SPPL2B: variants seen among roughly 807,000 people sequenced by gnomAD.
SPPL2B encodes the protein signal peptide peptidase like 2B.
SPPL2B carries 39 observed loss-of-function variants against 59.7 expected under a neutral mutation model. The observed-to-expected ratio is 0.65, with a 90% CI of 0.51 to 0.85. The LOEUF is 0.85. SPPL2B is among the 40% of genes least tolerant of loss of function. The pLI, the probability that SPPL2B is intolerant of heterozygous loss-of-function variation, is 0.00. For missense variants in SPPL2B, 865 were observed against 849.0 expected, an observed-to-expected ratio of 1.02 and a Z score of -0.23; for synonymous variants, 419 against 370.8, an observed-to-expected ratio of 1.13 and a Z score of -1.49.
chr19:2,345,101 G>A (rs143367040), intron 12 of SPPL2B, among the ~76,000 whole-genome samples, 152 bp from the exon 13 acceptor site: 3,110 of 152,172 alleles, frequency 0.02, 47 homozygotes, highest in Non-Finnish European at 0.026. Flanking sequence ...TGTCCCGAGC[G>A]AGCGTGTGGC....
intron 5 of SPPL2B, 154 bp from the exon 6 acceptor site, chr19:2,339,670 G>C (rs1024002999): frequency 4.9e-6 from 4 of 814,740 alleles, no homozygotes; most frequent in Non-Finnish European, 7.8e-6. Flanking sequence ...CTCTGCCCTG[G>C]GGACGTTCGG....
At chr19:2,348,262 G>A (rs866537681) in intron 13 of SPPL2B, among the ~76,000 whole-genome samples, 1 of 84,026 alleles carries the variant, frequency 1.2e-5, no homozygotes, top group Non-Finnish European at 2.3e-5. Context: ...ACACACTCAC[G>A]CACTCTTATT....
At chr19:2,341,375 C>T (rs924030966) in intron 8 of SPPL2B, 7 of 487,708 alleles carry the variant, frequency 1.4e-5, no homozygotes, top group Admixed American at 9.2e-5. Context: ...GCCGCAGGTT[C>T]GAGGCCCAGG....
At chr19:2,345,732 T>C in intron 13 of SPPL2B, among the ~76,000 whole-genome samples, 1 of 151,562 alleles carries the variant, frequency 6.6e-6, no homozygotes, top group African/African-American at 2.4e-5. Flanking sequence ...CCCGTCTTTC[T>C]CATTCTCCCT....
rs1257190649 is a variant in SPPL2B, at chr19:2,351,358, G to A, written c.1355-76G>A. On this transcript the variant is annotated intron_variant, in intron 13 of 14. Transcript: ENST00000613503. ...CCCTGCCCTCCACCAACCCCAGCCCGCTCACGTTCTTCCCAGGGAAATGGG... is the reference window on the plus strand; with the variant it reads ...CCCTGCCCTCCACCAACCCCAGCCCACTCACGTTCTTCCCAGGGAAATGGG... 9 of 1,261,602 alleles carry A rather than the reference G, an allele frequency of 7.1e-6. No individual in the cohort carries two copies. In the Admixed American group the frequency reaches 7.7e-5, roughly 11 times the overall value. 78.2% of individuals were successfully genotyped at this position (1,261,602 alleles called of 1,614,324 possible).
chr19:2,335,060 C>A (rs1189163228), intron 2 of SPPL2B, among the ~76,000 whole-genome samples: 1 of 152,018 alleles, frequency 6.6e-6, no homozygotes, highest in Non-Finnish European at 1.5e-5. Context: ...CAGTGGGGCC[C>A]CAGGGACGAG....
rs917655596 is a variant in SPPL2B at position 2,332,501 on chromosome 19, G to T, written c.67-2101G>T. 3.9e-5 allele frequency among the ~76,000 whole-genome samples: 6 copies of T among 152,218 alleles called. No individual in the cohort carries two copies. Among genetic ancestry groups the T allele is most frequent in the Non-Finnish European group, 7.3e-5 (5 of 68,030 alleles). On this transcript the variant is annotated intron_variant, in intron 1 of 14. Transcript: ENST00000613503. The surrounding 1 kb of genome is among the most constrained non-coding windows in gnomAD (Gnocchi z 4.6). ...CCGTTTGGTGCGCAGCTCAGCATCCGTTCAGACATGTGGCTGCCATCCTGT... is the reference window on the plus strand; with the variant it reads ...CCGTTTGGTGCGCAGCTCAGCATCCTTTCAGACATGTGGCTGCCATCCTGT...
intron 13 of SPPL2B, among the ~76,000 whole-genome samples, chr19:2,345,822 T>C (rs55690659): frequency 0.14 from 12,514 of 89,436 alleles, 1,522 homozygotes; most frequent in African/African-American, 0.37. Flanking sequence ...TCTCCCTGGG[T>C]CCGTGCCTCC....
intron 3 of SPPL2B, 92 bp downstream of exon 3, chr19:2,337,717 C>T (rs112810134): frequency 4.9e-5 from 62 of 1,258,132 alleles, no homozygotes; most frequent in African/African-American, 2.3e-4. Flanking sequence ...GCTGGTCTTC[C>T]GACTTCTCGC....
intron 10 of SPPL2B, 31 bp downstream of exon 10, chr19:2,344,070 A>G (rs577674010): frequency 7.1e-7 from 1 of 1,400,818 alleles, no homozygotes. Context: ...GCTCCACCCC[A>G]TCACCCCGCT....
intron 7 of SPPL2B, chr19:2,340,385 C>CG: frequency 3.3e-6 from 2 of 609,320 alleles, no homozygotes; most frequent in Non-Finnish European, 5.8e-6. Context: ...CCAGGGGTGG[C>CG]GGGGGGAGGG....
At chr19:2,335,640 G>A (rs1022874206) in intron 2 of SPPL2B, among the ~76,000 whole-genome samples, 4 of 142,038 alleles carry the variant, frequency 2.8e-5, no homozygotes, top group African/African-American at 1.1e-4. Context: ...TTCAGGCCCC[G>A]CCTCCTTTCC....
chr19:2,351,497 C>G lies in SPPL2B; in HGVS notation c.1418C>G (p.Ala473Gly). The change falls in exon 14 of 15, where the codon GCT (alanine) becomes GGT (glycine). Residue 473 changes from alanine to glycine, a missense_variant. Physicochemically the swap from Ala to Gly is moderately conservative, Grantham distance 60 (BLOSUM62 0). Coordinates refer to ENST00000613503, the MANE Select transcript of SPPL2B (RefSeq NM_152988.3). Reference protein sequence around the residue: ...ALALMQRGQPALLYLVPCTLV... With the variant: ...ALALMQRGQPGLLYLVPCTLV... ...GCCCTGATGCAGCGTGGCCAGCCCG[C>G]TCTCCTCTACCTGGTGCCCTGCACG... The G allele has an allele frequency of 6.2e-7, 1 of 1,610,682 alleles. No individual in the cohort carries two copies. The highest frequency in any genetic ancestry group is 1.7e-4 in the Middle Eastern group (1 of 6,054).
At chr19:2,350,387 G>C (rs12983760) in intron 13 of SPPL2B, among the ~76,000 whole-genome samples, 1 of 136,986 alleles carries the variant, frequency 7.3e-6, no homozygotes, top group Admixed American at 7.2e-5. Flanking sequence ...ACACACACTC[G>C]CGTTCTCATT....
At chr19:2,352,641 A>G (rs2074546) in intron 14 of SPPL2B, among the ~76,000 whole-genome samples, 92,549 of 151,972 alleles carry the variant, frequency 0.61, 30,023 homozygotes, top group Non-Finnish European at 0.74. Flanking sequence ...AAGGTTCAGG[A>G]GAAGCCGGGG....
Position 2,353,116 on chromosome 19 carries a change from A to C in SPPL2B, c.1686A>C (p.Gly562=), listed in dbSNP as rs61744717. The change falls in exon 15 of 15, where the codon GGA becomes GGC. Residue 562 remains glycine, a synonymous_variant. Transcript: ENST00000613503. ...KSRTSEEMGA[G]APMREPGSPA... Reference sequence around the variant, plus strand: ...GCACGTCCGAGGAGATGGGGGCTGGAGCCCCCATGCGGGAGCCTGGGAGCC... The same window carrying C: ...GCACGTCCGAGGAGATGGGGGCTGGCGCCCCCATGCGGGAGCCTGGGAGCC... 5.2e-4 allele frequency: 836 copies of C among 1,610,574 alleles called. 5 individuals are homozygous for C. In the African/African-American group the frequency reaches 0.01, roughly 19 times the overall value.
At chr19:2,334,164 T>G (rs1364327635) in intron 1 of SPPL2B, among the ~76,000 whole-genome samples, 1 of 152,168 alleles carries the variant, frequency 6.6e-6, no homozygotes, top group East Asian at 1.9e-4. Context: ...AGAGGCTTGC[T>G]TGTCCAGGCC....
In SPPL2B at chr19:2,338,782, G is replaced by A. The variant is rs1412374970; in HGVS notation, c.400G>A (p.Asp134Asn). 12 of 1,613,438 alleles carry A rather than the reference G, an allele frequency of 7.4e-6. No individual in the cohort carries two copies. Among genetic ancestry groups the A allele is most frequent in the East Asian group, 4.5e-5 (2 of 44,880 alleles). Residue 134 changes from aspartate (D) to asparagine (N), a missense_variant, in exon 4 of 15, where the codon GAT (aspartate) becomes AAT (asparagine). By Grantham distance (23) the Asp-to-Asn change is conservative. Coordinates refer to ENST00000613503, the MANE Select transcript of SPPL2B (RefSeq NM_152988.3). ...CCCGGGGGGTAATAAGACGCAGTATGATGAGATTGGCATTCCCGTGGCCCT... is the reference window on the plus strand; with the variant it reads ...CCCGGGGGGTAATAAGACGCAGTATAATGAGATTGGCATTCCCGTGGCCCT... The part of the protein sequence containing the change: ...VPPGGNKTQY[D>N]EIGIPVALLS...
intron 9 of SPPL2B, 41 bp from the exon 10 acceptor site, chr19:2,343,924 C>G (rs754585150): frequency 1.3e-6 from 2 of 1,483,818 alleles, no homozygotes; most frequent in Non-Finnish European, 1.8e-6. Flanking sequence ...GGGGGAGGCA[C>G]GGGCCGGGGT....
Sources: allele counts gnomAD v4.1 joint callset (sites outside exome capture counted in the v4.1 genomes callset), GRCh38; gene constraint gnomAD v4.1.1; non-coding constraint Gnocchi (gnomAD v3.1); transcripts MANE v1.5; gene names NCBI Gene and HGNC (gene_info 2026-07-23, HGNC 2026-07-21).